The following CACNA1A variants were observed in gnomAD, a reference collection of about 807,000 sequenced individuals.
CACNA1A encodes calcium voltage-gated channel subunit alpha1 A.
Under a neutral mutation model 262.4 loss-of-function variants are expected in CACNA1A, and 57 were observed. That is an observed-to-expected ratio of 0.22 (90% CI 0.18 to 0.27). The LOEUF is 0.27. Ranked by LOEUF, CACNA1A falls within the 10% of genes least tolerant of loss-of-function variation. CACNA1A has a pLI of 1.00. For missense variants in CACNA1A, 2,526 were observed against 3,562.8 expected (o/e 0.71, Z 7.41); for synonymous variants, 1,431 against 1,419.3 (o/e 1.01, Z -0.18).
chr19:13,472,531 G>C (rs1978287482), intron 1 of CACNA1A, among the ~76,000 whole-genome samples: 1 of 152,048 alleles, frequency 6.6e-6, no homozygotes, highest in Non-Finnish European at 1.5e-5. Context: ...TTGCTCATCA[G>C]ACTCTAGCTA....
chr19:13,397,057 C>A (rs1397127256), intron 3 of CACNA1A, among the ~76,000 whole-genome samples: 1 of 152,178 alleles, frequency 6.6e-6, no homozygotes, highest in Non-Finnish European at 1.5e-5. Context: ...GGAGTCTCTT[C>A]ATGGCATGGT....
In CACNA1A at chr19:13,430,385, T is replaced by G. The variant is rs143889737; in HGVS notation, c.539+22491A>C. ...CCACGCCCAGCTAATTTTTGTATTT[T>G]TAGTAGAGACAGGGTTTCATCATGT... On this transcript the variant is annotated intron_variant, in intron 3 of 46. Transcript: ENST00000360228. Among the ~76,000 whole-genome samples the G allele has an allele frequency of 4.8e-3, 732 of 152,182 alleles. 5 individuals are homozygous for G. Among genetic ancestry groups the G allele is most frequent in the African/African-American group, 0.017 (709 of 41,518 alleles).
intron 3 of CACNA1A, among the ~76,000 whole-genome samples, chr19:13,441,784 A>C (rs2060725674): frequency 6.6e-6 from 1 of 151,812 alleles, no homozygotes; most frequent in African/African-American, 2.4e-5. Context: ...AGAGGAGAGG[A>C]GTCATTAGGC....
chr19:13,406,765 C>T (rs2144720467), intron 3 of CACNA1A, among the ~76,000 whole-genome samples: 1 of 151,714 alleles, frequency 6.6e-6, no homozygotes, highest in South Asian at 2.1e-4. Flanking sequence ...CAGCCAGAGT[C>T]ATCCTTCTAA....
chr19:13,449,198 A>G (rs1342552506), intron 3 of CACNA1A, among the ~76,000 whole-genome samples: 4 of 151,022 alleles, frequency 2.6e-5, no homozygotes, highest in African/African-American at 9.7e-5. Context: ...AAACTCCTGG[A>G]CTCAAGCAGT....
At chr19:13,428,426 C>T (rs2060443950) in intron 3 of CACNA1A, among the ~76,000 whole-genome samples, 1 of 152,176 alleles carries the variant, frequency 6.6e-6, no homozygotes, top group African/African-American at 2.4e-5. Flanking sequence ...GGGCCTAGCA[C>T]ATAGTAGAAC....
intron 8 of CACNA1A, 199 bp downstream of exon 8, chr19:13,334,179 G>T: frequency 1.8e-6 from 1 of 548,696 alleles, no homozygotes; most frequent in South Asian, 2.6e-5. Context: ...GTTACGTGAT[G>T]TCAGATCCTG....
Position 13,308,818 on chromosome 19 carries a change from A to G in CACNA1A, c.1669-290T>C. ...CAGCCTCTTGAGTAGCTGGGATTACAGGTGTGCCCCACCACATCTGGCTAA... is the reference window on the plus strand; with the variant it reads ...CAGCCTCTTGAGTAGCTGGGATTACGGGTGTGCCCCACCACATCTGGCTAA... On this transcript the variant is annotated intron_variant, in intron 12 of 46. Coordinates refer to ENST00000360228, the MANE Select transcript of CACNA1A (RefSeq NM_001127222.2). The surrounding 1 kb of genome is among the most constrained non-coding windows in gnomAD (Gnocchi z 4.2). 1 of 246,834 alleles carries G rather than the reference A, an allele frequency of 4.1e-6. No homozygotes were observed. The highest frequency in any genetic ancestry group is 7.7e-6 in the Non-Finnish European group (1 of 129,038). The allele number at this position is 246,834 out of a possible 1,614,324, so 15.3% of individuals were successfully genotyped here. A position where few individuals can be genotyped will look rare whatever the true frequency, so the allele number is the denominator to read the frequency against.
chr19:13,282,296 C>T (rs961479178), intron 22 of CACNA1A, among the ~76,000 whole-genome samples: 4 of 151,846 alleles, frequency 2.6e-5, no homozygotes, highest in Non-Finnish European at 4.4e-5. Flanking sequence ...CAGCAGAAAA[C>T]ACACTTTTTT....
At chr19:13,415,743 T>TAAAAAAAAAAAAAAAAAACAAA (rs2060208113) in intron 3 of CACNA1A, among the ~76,000 whole-genome samples, 1 of 42,506 alleles carries the variant, frequency 2.4e-5, no homozygotes, top group Non-Finnish European at 4.3e-5. Context: ...CTGTCTCAAT[T>TAAAAAAAAAAAAAAAAAACAAA]AAAAAAAAAA....
intron 1 of CACNA1A, among the ~76,000 whole-genome samples, chr19:13,477,039 C>T (rs2145062217): frequency 6.6e-6 from 1 of 152,304 alleles, no homozygotes; most frequent in East Asian, 1.9e-4. Context: ...CCTCCAAAAC[C>T]TGTCCCGTCA....
chr19:13,406,377 C>A (rs1485271122), intron 3 of CACNA1A, among the ~76,000 whole-genome samples: 1 of 147,510 alleles, frequency 6.8e-6, no homozygotes, highest in Non-Finnish European at 1.5e-5. Flanking sequence ...GTTGCTTGAA[C>A]CTGGGAGGTG....
At chr19:13,339,788 A>C (rs2058643807) in intron 6 of CACNA1A, among the ~76,000 whole-genome samples, 1 of 151,492 alleles carries the variant, frequency 6.6e-6, no homozygotes. Context: ...AAAAAAAAAA[A>C]GCACTGAAAA....
In CACNA1A at chr19:13,207,333, T is replaced by G. The variant is rs1271746453; in HGVS notation, c.7501A>C (p.Ser2501Arg). 1.3e-6 allele frequency: 2 copies of G among 1,561,492 alleles called. No homozygotes were observed. Among genetic ancestry groups the G allele is most frequent in the Non-Finnish European group, 1.7e-6 (2 of 1,161,206 alleles). Residue 2501 changes from serine to arginine, a missense_variant, in exon 47 of 47, where the codon AGT (serine) becomes CGT (arginine). Transcript: ENST00000360228. The surrounding 1 kb of genome is among the most constrained non-coding windows in gnomAD (Gnocchi z 5.7). The part of the protein sequence containing the change: ...RKGLHEPYSE[S>R]DDDWC The stretch of plus-strand genomic sequence containing the variant: ...CGGGCTTAGCACCAATCATCGTCAC[T>G]CTCGCTGTAGGGTTCGTGCAGGCCC...
chr19:13,308,413 T>TA lies in CACNA1A; in HGVS notation c.1781+2dup. 1 of 1,605,666 alleles carries TA rather than the reference T, an allele frequency of 6.2e-7. No individual in the cohort carries two copies. The highest frequency in any genetic ancestry group is 8.5e-7 in the Non-Finnish European group (1 of 1,173,608). On this transcript the variant is annotated splice_region_variant and intron_variant, in intron 13 of 46. Coordinates refer to ENST00000360228, the MANE Select transcript of CACNA1A (RefSeq NM_001127222.2). The surrounding 1 kb of genome is among the most constrained non-coding windows in gnomAD (Gnocchi z 4.2). ...CAAATGTCCAGGAACCCCAAAGACT[T>TA]ACTTTGTGACTTTGAAAATACGCAA... is the stretch of plus-strand genomic sequence containing the variant.
intron 3 of CACNA1A, among the ~76,000 whole-genome samples, chr19:13,443,472 G>T (rs1004626693): frequency 1.3e-5 from 2 of 152,020 alleles, no homozygotes; most frequent in African/African-American, 4.8e-5. Context: ...CTCCTCATTA[G>T]CTGGGACTAT....
intron 1 of CACNA1A, among the ~76,000 whole-genome samples, chr19:13,504,229 T>C (rs544415232): frequency 6.6e-6 from 1 of 152,244 alleles, no homozygotes; most frequent in East Asian, 1.9e-4. Flanking sequence ...CCCTGAGCAC[T>C]TCAATGGGCC....
chr19:13,293,196 T>C (rs1308180715), intron 19 of CACNA1A, among the ~76,000 whole-genome samples: 2 of 152,116 alleles, frequency 1.3e-5, no homozygotes, highest in Admixed American at 6.6e-5. Flanking sequence ...ATAGCATTCA[T>C]TGAGTACTTA....
intron 3 of CACNA1A, among the ~76,000 whole-genome samples, chr19:13,386,211 C>A (rs1261415701): frequency 3.3e-5 from 5 of 151,854 alleles, no homozygotes; most frequent in Admixed American, 3.3e-4. Context: ...CCAAGAGCCA[C>A]CACCACTACC....
Sources: gnomAD v4.1 joint callset for allele counts (sites outside exome capture counted in the v4.1 genomes callset) on GRCh38, gnomAD v4.1.1 for gene constraint, Gnocchi (gnomAD v3.1) non-coding constraint, MANE v1.5 for transcripts, NCBI Gene and HGNC (gene_info 2026-07-23, HGNC 2026-07-21) for gene names.